The following NRAP variants were observed in gnomAD, a reference collection of about 807,000 sequenced individuals.
NRAP encodes nebulin-related-anchoring protein.
NRAP carries 189 observed loss-of-function variants against 225.9 expected under a neutral mutation model. The observed-to-expected ratio is 0.84, with a 90% confidence interval of 0.74 to 0.94. The LOEUF (loss-of-function observed/expected upper bound fraction) is 0.94. Among genes scored for constraint, NRAP ranks in the 40% least tolerant of loss-of-function variants. The probability of loss-of-function intolerance (pLI) is 0.00; values close to 1 mark genes in which losing one functional copy is unlikely to be tolerated. For missense variants in NRAP, 2,176 were observed against 2,168.7 expected (o/e 1.00, Z -0.07); for synonymous variants, 769 against 790.7 (o/e 0.97, Z 0.46).
intron 10 of NRAP, 76 bp downstream of exon 10, chr10:113,646,847 A>G: frequency 5.3e-6 from 5 of 948,376 alleles, no homozygotes; most frequent in South Asian, 1.3e-5. Flanking sequence ...ATCTGTGTGT[A>G]GGTTTCAGTA....
chr10:113,653,036 A>G lies in NRAP; in HGVS notation c.469T>C (p.Tyr157His). The G allele has an allele frequency of 6.3e-7, 1 of 1,584,764 alleles. No homozygotes were observed. The highest frequency in any genetic ancestry group is 1.1e-5 in the South Asian group (1 of 88,244). ...VEARKSLGEE[Y>H]TEDYEQPRGK... ...CTGGGTTGCTCATAGTCTTCTGTAT[A>G]TTCCTGTTGGTCAGAACCAATGTCA... The change falls in exon 6 of 42, where the codon TAT becomes CAT. Residue 157 changes from tyrosine (Y) to histidine (H), a missense_variant. Tyr to His is a moderately conservative substitution (Grantham distance 83). Around this residue, in one of 3 missense-constraint regions of NRAP, gnomAD observed 1,708 missense variants for 1,695.5 expected, o/e 1.01. Transcript: ENST00000359988.
intron 32 of NRAP, among the ~76,000 whole-genome samples, chr10:113,608,014 T>C (rs933673159): frequency 3.9e-5 from 6 of 152,236 alleles, no homozygotes; most frequent in African/African-American, 1.4e-4. Context: ...AGATTGACAA[T>C]GTAAAATTGG....
chr10:113,621,815 A>T, intron 24 of NRAP, 54 bp downstream of exon 24: 1 of 1,508,334 alleles, frequency 6.6e-7, no homozygotes, highest in Non-Finnish European at 9.1e-7. Context: ...TTGCACTAGC[A>T]CACACACAAC....
In NRAP at chr10:113,589,027, G is replaced by A. The variant is rs1845758506; in HGVS notation, c.5141C>T (p.Pro1714Leu). 6.2e-7 allele frequency: 1 copy of A among 1,613,990 alleles called. No homozygotes were observed. Among genetic ancestry groups the A allele is most frequent in the South Asian group, 1.1e-5 (1 of 91,072 alleles). Residue 1714 changes from proline (P) to leucine (L), a missense_variant, in exon 42 of 42, where the codon CCA becomes CTA. Pro to Leu is a moderately conservative substitution (Grantham distance 98, BLOSUM62 -3). Transcript: ENST00000359988. ...AGDHQSGEVN[P>L]DATEILHVKK... ...GACGTGCAGAATCTCAGTGGCATCT[G>A]GGTTCACCTCCCCACTCTGATGATC...
chr10:113,651,934 G>T lies in NRAP; in HGVS notation c.571-27C>A, dbSNP rs760015948. On this transcript the variant is annotated intron_variant, in intron 6 of 41. Coordinates refer to ENST00000359988, the MANE Select transcript of NRAP (RefSeq NM_198060.4). Reference sequence around the variant, plus strand: ...TGATGAGAAGACAGTAGAGTCAAGGGTGCACCCACCTCACAGCCTCCTCAG... The same window carrying T: ...TGATGAGAAGACAGTAGAGTCAAGGTTGCACCCACCTCACAGCCTCCTCAG... 2.1e-6 allele frequency: 3 copies of T among 1,460,258 alleles called. No individual in the cohort carries two copies. In the South Asian group the frequency reaches 3.4e-5, roughly 17 times the overall value. The allele number at this position is 1,460,258 out of a possible 1,614,324, so 90.5% of individuals were successfully genotyped here. A position where few individuals can be genotyped will look rare whatever the true frequency, so the allele number is the denominator to read the frequency against.
At position 113,650,541 on chromosome 10, in the gene NRAP, C is replaced by T. The variant is rs774084510; in HGVS notation, c.680G>A (p.Arg227Lys). 7 of 1,605,424 alleles carry T rather than the reference C, an allele frequency of 4.4e-6. No homozygotes were observed. The highest frequency in any genetic ancestry group is 6.0e-6 in the Non-Finnish European group (7 of 1,172,210). Residue 227 changes from arginine to lysine, a missense_variant, in exon 8 of 42, where the codon AGA becomes AAA. This residue lies in a region of NRAP where 1,708 missense variants were observed against 1,695.5 expected (regional missense o/e 1.01). Transcript: ENST00000359988. ...KAGAQLQSDV[R>K]YTEDYEQQRG... is the part of the protein sequence containing the mutation. ...TTGTTGTTCATAGTCCTCTGTGTAT[C>T]TCACCTGAAATGAAAAAACATGTGA...
intron 10 of NRAP, 146 bp downstream of exon 10, chr10:113,646,777 C>A: frequency 1.5e-6 from 1 of 659,768 alleles, no homozygotes; most frequent in Non-Finnish European, 2.8e-6. Flanking sequence ...AAGCAGGCAT[C>A]ATAAATTTGG....
chr10:113,614,517 G>A lies in NRAP; in HGVS notation c.3187-221C>T, dbSNP rs553959761. Among the ~76,000 whole-genome samples the A allele has an allele frequency of 1.3e-3, 197 of 152,306 alleles. 1 individual carries two copies. Among genetic ancestry groups the A allele is most frequent in the Non-Finnish European group, 2.1e-3 (144 of 68,028 alleles). On this transcript the variant is annotated intron_variant, in intron 28 of 41. Coordinates refer to ENST00000359988, the MANE Select transcript of NRAP (RefSeq NM_198060.4). ...TGGCAGGATGCATTAGCACGTGGGC[G>A]GCCCCGCACTGGAGGAAGGTGGGTG...
At chr10:113,643,623 C>T (rs1283827868) in intron 11 of NRAP, among the ~76,000 whole-genome samples, 2 of 152,154 alleles carry the variant, frequency 1.3e-5, no homozygotes, top group Non-Finnish European at 2.9e-5. Context: ...TTGAGCTCTC[C>T]CGGGTGCCTG....
chr10:113,625,297 G>A (rs1000956635), intron 21 of NRAP, among the ~76,000 whole-genome samples: 6 of 152,166 alleles, frequency 3.9e-5, no homozygotes, highest in Non-Finnish European at 5.9e-5. Flanking sequence ...CTCCCCAGGT[G>A]GGAAAAATAA....
At chr10:113,647,844 T>G (rs1849671503) in intron 9 of NRAP, among the ~76,000 whole-genome samples, 1 of 152,194 alleles carries the variant, frequency 6.6e-6, no homozygotes, top group Non-Finnish European at 1.5e-5. Context: ...AGACTAAGGA[T>G]TATAATCTTT....
rs749682971 is a variant in NRAP, at chr10:113,641,433, G to C, written c.1255C>G (p.Arg419Gly). 5 of 1,613,478 alleles carry C rather than the reference G, an allele frequency of 3.1e-6. No homozygotes were observed. The highest frequency in any genetic ancestry group is 4.2e-6 in the Non-Finnish European group (5 of 1,179,720). The change falls in exon 13 of 42, where the codon CGC becomes GGC. Residue 419 changes from arginine (R) to glycine (G), a missense_variant. By Grantham distance (125) the Arg-to-Gly change is moderately radical. Coordinates refer to ENST00000359988, the MANE Select transcript of NRAP (RefSeq NM_198060.4). ...KENYQNHMRG[R>G]YEGVGMDRRT... ...CTGTCCATACCAACTCCTTCATAGC[G>C]GCCTCTCATGTGGTTCTGGTAGTTT...
At chr10:113,657,344 T>C (rs1850368602) in intron 4 of NRAP, 126 bp downstream of exon 4, 2 of 631,770 alleles carry the variant, frequency 3.2e-6, no homozygotes. Flanking sequence ...CATAGACAGC[T>C]GGAATTACAA....
chr10:113,595,544 T>TTA, intron 38 of NRAP, 79 bp downstream of exon 38: 1 of 877,102 alleles, frequency 1.1e-6, no homozygotes, highest in Non-Finnish European at 1.9e-6. Context: ...CTTTTTTTTT[T>TTA]AAAAAAACGA....
intron 11 of NRAP, among the ~76,000 whole-genome samples, chr10:113,644,946 G>C (rs1849414220): frequency 6.6e-6 from 1 of 152,166 alleles, no homozygotes; most frequent in African/African-American, 2.4e-5. Flanking sequence ...ATGCCGTGAA[G>C]AACACACTAG....
chr10:113,613,942 T>C (rs1847481258), intron 29 of NRAP, among the ~76,000 whole-genome samples: 1 of 152,148 alleles, frequency 6.6e-6, no homozygotes, highest in South Asian at 2.1e-4. Context: ...CCATGTCCAC[T>C]GGTGAAAATT....
intron 16 of NRAP, among the ~76,000 whole-genome samples, 158 bp from the exon 17 acceptor site, chr10:113,632,122 T>C (rs769593946): frequency 3.3e-5 from 5 of 152,248 alleles, no homozygotes; most frequent in Admixed American, 6.5e-5. Flanking sequence ...ACACAGTTAA[T>C]TGATTCCTTC....
At chr10:113,599,696 AAC>A (rs1250867646) in intron 35 of NRAP, among the ~76,000 whole-genome samples, 2 of 152,172 alleles carry the variant, frequency 1.3e-5, no homozygotes, top group Non-Finnish European at 1.5e-5. Flanking sequence ...CCCTAAAAAC[AAC>A]ACACTTGCCC....
chr10:113,661,027 A>G (rs1850640967), intron 3 of NRAP, among the ~76,000 whole-genome samples: 1 of 152,202 alleles, frequency 6.6e-6, no homozygotes, highest in South Asian at 2.1e-4. Flanking sequence ...TACTCTGTTT[A>G]AGTAAGAGCT....
Sources: allele counts gnomAD v4.1 joint callset (sites outside exome capture counted in the v4.1 genomes callset), GRCh38; gene constraint gnomAD v4.1.1; regional missense constraint gnomAD v4.1.1; transcripts MANE v1.5; gene names NCBI Gene and HGNC (gene_info 2026-07-23, HGNC 2026-07-21).